The following SYT1 variants were observed in gnomAD, a reference collection of about 807,000 sequenced individuals.
SYT1 encodes synaptotagmin-1.
Under a neutral mutation model 44.8 loss-of-function variants are expected in SYT1, and 8 were observed. The ratio of observed to expected loss-of-function variants is 0.18; its 90% CI spans 0.10 to 0.32. The LOEUF (loss-of-function observed/expected upper bound fraction) is 0.32, where lower values mean the gene tolerates loss of function less well. Among genes scored for constraint, SYT1 ranks in the 10% least tolerant of loss-of-function variants. SYT1 has a pLI of 1.00. For synonymous variants in SYT1, 154 were observed against 188.8 expected (o/e 0.82, Z 1.51); for missense variants, 286 against 509.3 (o/e 0.56, Z 4.22).
At chr12:79,049,800 A>G (rs1748090018) in intron 3 of SYT1, among the ~76,000 whole-genome samples, 1 of 150,994 alleles carries the variant, frequency 6.6e-6, no homozygotes. Context: ...AACCTCTTAC[A>G]ATTTTGCTTT....
At chr12:78,965,698 A>C (rs1592612042) in intron 1 of SYT1, among the ~76,000 whole-genome samples, 1 of 152,164 alleles carries the variant, frequency 6.6e-6, no homozygotes, top group African/African-American at 2.4e-5. Context: ...ACTTGAGCCA[A>C]GATCGGTCTC....
At chr12:79,122,045 G>A (rs1868273776) in intron 3 of SYT1, among the ~76,000 whole-genome samples, 1 of 152,214 alleles carries the variant, frequency 6.6e-6, no homozygotes, top group African/African-American at 2.4e-5. Flanking sequence ...ACTTTTTGAA[G>A]TAGATGTCTT....
chr12:79,208,204 G>A (rs1565855800), intron 3 of SYT1, among the ~76,000 whole-genome samples: 1 of 152,112 alleles, frequency 6.6e-6, no homozygotes, highest in Non-Finnish European at 1.5e-5. Flanking sequence ...AGATAACTAT[G>A]AGTTGTAATT....
chr12:79,368,083 T>C (rs1169927502), intron 9 of SYT1, among the ~76,000 whole-genome samples: 2 of 129,928 alleles, frequency 1.5e-5, no homozygotes, highest in Non-Finnish European at 3.1e-5. Flanking sequence ...GAGTGTGATG[T>C]TCCCCTTCCT....
chr12:78,892,302 A>T (rs536853984), intron 1 of SYT1, among the ~76,000 whole-genome samples: 71 of 151,976 alleles, frequency 4.7e-4, no homozygotes, highest in African/African-American at 1.6e-3. Context: ...TTTTTAAAAT[A>T]ATAATCTTAT....
intron 4 of SYT1, among the ~76,000 whole-genome samples, chr12:79,267,899 A>T (rs985561013): frequency 1.3e-5 from 2 of 152,232 alleles, no homozygotes; most frequent in Admixed American, 1.3e-4. Flanking sequence ...CTGTGAAGAT[A>T]TAGATGGCTT....
At chr12:79,238,597 C>T (rs116123367) in intron 4 of SYT1, among the ~76,000 whole-genome samples, 2,470 of 152,262 alleles carry the variant, frequency 0.016, 51 homozygotes, top group African/African-American at 0.045. Flanking sequence ...ATGCACTTAA[C>T]AAGATGCAGG....
intron 1 of SYT1, among the ~76,000 whole-genome samples, chr12:78,880,152 G>A (rs758449899): frequency 2.0e-5 from 3 of 151,590 alleles, no homozygotes; most frequent in Non-Finnish European, 4.4e-5. Flanking sequence ...ACCAGATTTG[G>A]AGTTTCAACA....
At chr12:78,900,778 T>A (rs1411293979) in intron 1 of SYT1, among the ~76,000 whole-genome samples, 2 of 152,116 alleles carry the variant, frequency 1.3e-5, no homozygotes, top group African/African-American at 4.8e-5. Context: ...AAATTTCTTT[T>A]ATGTGGAACA....
intron 1 of SYT1, among the ~76,000 whole-genome samples, chr12:78,931,327 GGGAGGGAGGGAAGGAAGGAAGGAA>G (rs1877707798): frequency 4.3e-5 from 1 of 23,322 alleles, no homozygotes; most frequent in Non-Finnish European, 6.9e-5. Context: ...GAGGGAGGGA[GGGAGGGAGGGAAGGAAGGAAGGAA>G]GGAAGGAAGG....
At chr12:79,353,450 CTATT>C (rs1243818252) in intron 8 of SYT1, 48 bp from the exon 9 acceptor site, 2 of 1,302,816 alleles carry the variant, frequency 1.5e-6, no homozygotes, top group Non-Finnish European at 2.2e-6. Flanking sequence ...TGTTAAAACT[CTATT>C]TACTTGTATT....
At chr12:78,887,409 A>C (rs147072880) in intron 1 of SYT1, among the ~76,000 whole-genome samples, 2 of 152,100 alleles carry the variant, frequency 1.3e-5, no homozygotes, top group Admixed American at 6.6e-5. Flanking sequence ...GAAGCCATAA[A>C]GTGCTTCTTC....
intron 3 of SYT1, among the ~76,000 whole-genome samples, chr12:79,187,601 T>G (rs1210557770): frequency 1.3e-5 from 2 of 152,124 alleles, no homozygotes; most frequent in Non-Finnish European, 2.9e-5. Context: ...TATTCATGTA[T>G]CACCTCACGT....
At chr12:79,399,883 C>A (rs1318298498) in intron 9 of SYT1, among the ~76,000 whole-genome samples, 1 of 152,198 alleles carries the variant, frequency 6.6e-6, no homozygotes, top group African/African-American at 2.4e-5. Flanking sequence ...CAGTTCTCTG[C>A]TTTTCTTAAG....
At chr12:79,284,216 C>A (rs916233069) in intron 4 of SYT1, among the ~76,000 whole-genome samples, 2 of 151,738 alleles carry the variant, frequency 1.3e-5, no homozygotes, top group Non-Finnish European at 2.9e-5. Flanking sequence ...TCCATGTCAC[C>A]TTATTTTTTA....
chr12:78,891,585 GA>G (rs1235164497), intron 1 of SYT1, among the ~76,000 whole-genome samples: 1 of 151,906 alleles, frequency 6.6e-6, no homozygotes, highest in Non-Finnish European at 1.5e-5. Context: ...TCTCCACGGT[GA>G]AATGATGGTT....
At chr12:78,930,768 GC>G (rs1186035008) in intron 1 of SYT1, among the ~76,000 whole-genome samples, 1 of 151,924 alleles carries the variant, frequency 6.6e-6, no homozygotes, top group Non-Finnish European at 1.5e-5. Flanking sequence ...GGTTACGTGA[GC>G]AACAGGTATA....
At chr12:79,042,215 T>C (rs1346079133) in intron 2 of SYT1, among the ~76,000 whole-genome samples, 1 of 152,004 alleles carries the variant, frequency 6.6e-6, no homozygotes, top group Non-Finnish European at 1.5e-5. Context: ...AGCTCCTCCT[T>C]ATACCTCTGG....
intron 9 of SYT1, among the ~76,000 whole-genome samples, chr12:79,438,588 G>A (rs1457812158): frequency 6.6e-6 from 1 of 152,228 alleles, no homozygotes; most frequent in Non-Finnish European, 1.5e-5. Flanking sequence ...TGCCCATTTG[G>A]CAGAGTTGTA....
Sources: allele counts gnomAD v4.1 joint callset (sites outside exome capture counted in the v4.1 genomes callset), GRCh38; gene constraint gnomAD v4.1.1; transcripts MANE v1.5; gene names NCBI Gene and HGNC (gene_info 2026-07-23, HGNC 2026-07-21).